CACNA1A: variants seen among roughly 807,000 people sequenced by gnomAD.
CACNA1A encodes voltage-dependent P/Q-type calcium channel subunit alpha-1A.
A neutral mutation model predicts 262.4 loss-of-function variants in CACNA1A; 57 were observed. The observed-to-expected ratio is 0.22, with a 90% CI of 0.18 to 0.27. The LOEUF is 0.27. CACNA1A is among the 10% of genes least tolerant of loss of function. The probability of loss-of-function intolerance (pLI) is 1.00; values close to 1 mark genes in which losing one functional copy is unlikely to be tolerated. For synonymous variants in CACNA1A, 1,431 were observed against 1,419.3 expected (o/e 1.01, Z -0.18); for missense variants, 2,526 against 3,562.8 (o/e 0.71, Z 7.41).
intron 7 of CACNA1A, 111 bp downstream of exon 7, chr19:13,335,695 G>T (rs1270336384): frequency 3.9e-6 from 3 of 761,178 alleles, no homozygotes; most frequent in Non-Finnish European, 6.9e-6. Flanking sequence ...AACAAGGGAA[G>T]AAGCCTTTTC....
rs1057524818 is a variant in CACNA1A at position 13,283,362 on chromosome 19, G to A, written c.3727C>T (p.Arg1243Cys). The A allele has an allele frequency of 1.9e-6, 3 of 1,613,964 alleles. No individual in the cohort carries two copies. Among genetic ancestry groups the A allele is most frequent in the Non-Finnish European group, 2.5e-6 (3 of 1,179,868 alleles). ...ATGAGGATGCACATCTCAAAGTAGC[G>A]CAGGTTCAGGATGTAATGGCACAGG... ...RRLCHYILNL[R>C]YFEMCILMVI... The change falls in exon 22 of 47, where the codon CGC (arginine) becomes TGC (cysteine). Residue 1243 changes from arginine to cysteine, a missense_variant. Arg to Cys is a radical substitution (Grantham distance 180). Transcript: ENST00000360228.
chr19:13,319,693 A>C (rs1281258601), intron 10 of CACNA1A, among the ~76,000 whole-genome samples: 2 of 152,236 alleles, frequency 1.3e-5, no homozygotes, highest in Non-Finnish European at 2.9e-5. Context: ...GAGATTTTCC[A>C]TGAAAATATG....
intron 6 of CACNA1A, among the ~76,000 whole-genome samples, chr19:13,351,473 C>G (rs1056875907): frequency 6.6e-6 from 1 of 152,042 alleles, no homozygotes. Context: ...TCCCAAGTAG[C>G]TGGAACTACA....
chr19:13,264,869 C>T (rs2056825473), intron 24 of CACNA1A, among the ~76,000 whole-genome samples: 1 of 129,404 alleles, frequency 7.7e-6, no homozygotes, highest in African/African-American at 2.9e-5. Context: ...GTTCATTTTC[C>T]CTTTAATCTT....
At chr19:13,504,272 C>A (rs1982750877) in intron 1 of CACNA1A, among the ~76,000 whole-genome samples, 1 of 152,152 alleles carries the variant, frequency 6.6e-6, no homozygotes, top group African/African-American at 2.4e-5. Context: ...CCTTAAGAAC[C>A]AGCCTCTTTA....
At chr19:13,415,970 C>G (rs975512731) in intron 3 of CACNA1A, among the ~76,000 whole-genome samples, 1 of 152,080 alleles carries the variant, frequency 6.6e-6, no homozygotes, top group Non-Finnish European at 1.5e-5. Flanking sequence ...CTGAGCGGTC[C>G]TCTCTGATGA....
At chr19:13,293,509 G>A (rs982674354) in intron 19 of CACNA1A, among the ~76,000 whole-genome samples, 2 of 141,262 alleles carry the variant, frequency 1.4e-5, no homozygotes, top group Admixed American at 7.6e-5. Flanking sequence ...GCAGTGGTGC[G>A]ATCTCGGCTC....
chr19:13,402,873 CATATATAT>C (rs71170507), intron 3 of CACNA1A, among the ~76,000 whole-genome samples: 1,372 of 72,576 alleles, frequency 0.019, 37 homozygotes, highest in South Asian at 0.081. Context: ...CACACACACA[CATATATAT>C]ATATATATAT....
At chr19:13,458,980 G>A (rs924260268) in intron 1 of CACNA1A, among the ~76,000 whole-genome samples, 3 of 152,156 alleles carry the variant, frequency 2.0e-5, no homozygotes, top group Non-Finnish European at 4.4e-5. Flanking sequence ...CTCCTTGGTG[G>A]GGCTGTCTGG....
intron 11 of CACNA1A, among the ~76,000 whole-genome samples, chr19:13,314,450 T>A (rs1056591935): frequency 6.6e-6 from 1 of 152,146 alleles, no homozygotes; most frequent in East Asian, 1.9e-4. Context: ...ATGAATGGGA[T>A]TAGGTGCCCT....
rs565646094 is a variant in CACNA1A at position 13,375,897 on chromosome 19, C to T, written c.540-4118G>A. 3.9e-5 allele frequency among the ~76,000 whole-genome samples: 6 copies of T among 152,308 alleles called. No individual in the cohort carries two copies. In the South Asian group the frequency reaches 1.2e-3, roughly 32 times the overall value. Reference sequence around the variant, plus strand: ...ATTAAAAGGGCTACTCTAGTAAACACATGAATGATAAGAAAGTAAGACAGG... The same window carrying T: ...ATTAAAAGGGCTACTCTAGTAAACATATGAATGATAAGAAAGTAAGACAGG... On this transcript the variant is annotated intron_variant, in intron 3 of 46. Transcript: ENST00000360228.
chr19:13,421,246 A>AT lies in CACNA1A; in HGVS notation c.539+31629dup, dbSNP rs1023864051. On this transcript the variant is annotated intron_variant, in intron 3 of 46. Transcript: ENST00000360228. ...TTGCAGCTATTATAGGAGAGAAATT[A>AT]TTTTTTTTTCTTTAAGGTTTTAATC... Among the ~76,000 whole-genome samples the AT allele has an allele frequency of 4.0e-5, 6 of 151,162 alleles. No individual in the cohort carries two copies. The South Asian group carries it at 6.3e-4, about 16-fold the overall frequency.
chr19:13,357,162 A>G (rs1321206152), intron 6 of CACNA1A, among the ~76,000 whole-genome samples: 1 of 152,118 alleles, frequency 6.6e-6, no homozygotes, highest in African/African-American at 2.4e-5. Context: ...AGTTTTTGCA[A>G]ATCTCCCTCC....
chr19:13,260,494 G>A (rs4926243), intron 26 of CACNA1A: 79,646 of 151,012 alleles, frequency 0.53, 22,140 homozygotes, highest in Non-Finnish European at 0.64. Flanking sequence ...GACTACAGGC[G>A]TCTGCCACCA....
chr19:13,495,920 TCCAC>T (rs887945216), intron 1 of CACNA1A, among the ~76,000 whole-genome samples: 10 of 152,054 alleles, frequency 6.6e-5, no homozygotes, highest in African/African-American at 2.2e-4. Flanking sequence ...CATCCATTTG[TCCAC>T]CCACCCATCG....
intron 4 of CACNA1A, among the ~76,000 whole-genome samples, chr19:13,369,903 A>G (rs1229870903): frequency 1.3e-5 from 2 of 152,190 alleles, no homozygotes; most frequent in African/African-American, 2.4e-5. Context: ...TCTTTCTACA[A>G]AAAGATCCTG....
chr19:13,425,474 C>A (rs2060385615), intron 3 of CACNA1A, among the ~76,000 whole-genome samples: 1 of 152,212 alleles, frequency 6.6e-6, no homozygotes, highest in East Asian at 1.9e-4. Flanking sequence ...CTATCACTTT[C>A]AGGTAAGAAA....
intron 6 of CACNA1A, among the ~76,000 whole-genome samples, chr19:13,351,870 C>A (rs1055115289): frequency 7.9e-5 from 12 of 152,096 alleles, no homozygotes; most frequent in Non-Finnish European, 1.8e-4. Flanking sequence ...GTCTTGAACT[C>A]CTTGTCTCAA....
intron 3 of CACNA1A, among the ~76,000 whole-genome samples, chr19:13,407,443 A>G (rs1367686920): frequency 3.3e-5 from 5 of 152,232 alleles, no homozygotes; most frequent in Non-Finnish European, 7.3e-5. Context: ...AAATGGGGAT[A>G]TGAAAGAATC....
Sources: allele counts gnomAD v4.1 joint callset (sites outside exome capture counted in the v4.1 genomes callset), GRCh38; gene constraint gnomAD v4.1.1; transcripts MANE v1.5; gene names NCBI Gene and HGNC (gene_info 2026-07-23, HGNC 2026-07-21).